UBE4B: variants seen among roughly 807,000 people sequenced by gnomAD.
UBE4B encodes ubiquitination factor E4B.
A neutral mutation model predicts 148.1 loss-of-function variants in UBE4B; 27 were observed. The observed-to-expected ratio is 0.18, with a 90% CI of 0.13 to 0.25. The LOEUF is 0.25. UBE4B is among the 10% of genes least tolerant of loss of function. The probability of loss-of-function intolerance (pLI) is 1.00; values close to 1 mark genes in which losing one functional copy is unlikely to be tolerated. For synonymous variants in UBE4B, 596 were observed against 619.3 expected, an observed-to-expected ratio of 0.96 and a Z score of 0.56; for missense variants, 1,170 against 1,662.4, an observed-to-expected ratio of 0.70 and a Z score of 5.15.
At position 10,145,023 on chromosome 1, in the gene UBE4B, G is replaced by T. The variant is rs766702266; in HGVS notation, c.2447G>T (p.Cys816Phe). The T allele has an allele frequency of 1.2e-6, 2 of 1,613,530 alleles. No homozygotes were observed. Among genetic ancestry groups the T allele is most frequent in the South Asian group, 2.2e-5 (2 of 91,012 alleles). Reference sequence around the variant, plus strand: ...AGACACCGCGAAATGCTGAAGCGCTGTAAAACTCAGCTTAAGGTTTGTATA... The same window carrying T: ...AGACACCGCGAAATGCTGAAGCGCTTTAAAACTCAGCTTAAGGTTTGTATA... Reference protein sequence around the residue: ...ATRHREMLKRCKTQLKKLVRC... With the variant: ...ATRHREMLKRFKTQLKKLVRC... The change falls in exon 18 of 28, where the codon TGT (cysteine) becomes TTT (phenylalanine). Residue 816 changes from cysteine (C) to phenylalanine (F), a missense_variant. Physicochemically the swap from Cys to Phe is radical, Grantham distance 205. Transcript: ENST00000343090.
chr1:10,144,021 T>G (rs1255541065), intron 17 of UBE4B, among the ~76,000 whole-genome samples: 1 of 152,208 alleles, frequency 6.6e-6, no homozygotes. Context: ...TTTTGGAGAT[T>G]TAGCAGCCTC....
chr1:10,035,614 G>A (rs1643488393), intron 1 of UBE4B, among the ~76,000 whole-genome samples: 2 of 149,014 alleles, frequency 1.3e-5, no homozygotes, highest in South Asian at 4.2e-4. Flanking sequence ...CACTGTGTTA[G>A]CCAGGATGGT....
chr1:10,109,577 A>C (rs1645183516), intron 7 of UBE4B, among the ~76,000 whole-genome samples: 1 of 152,196 alleles, frequency 6.6e-6, no homozygotes, highest in Admixed American at 6.5e-5. Context: ...ACATGACATA[A>C]CTATGTAAAC....
In UBE4B at chr1:10,048,259, A is replaced by C. The variant is rs552948939; in HGVS notation, c.24+14565A>C. Among the ~76,000 whole-genome samples, 147 of 152,332 alleles carry C rather than the reference A, an allele frequency of 9.6e-4. 1 individual carries two copies. The highest frequency in any genetic ancestry group is 3.4e-3 in the African/African-American group (143 of 41,568). ...ATTTACTGAGATGGGGAAAATTGAA[A>C]GAGAAGATTGGGAGGGAGACGTTAT... is the stretch of plus-strand genomic sequence containing the variant. On this transcript the variant is annotated intron_variant, in intron 1 of 27. Transcript: ENST00000343090.
chr1:10,180,109 A>G lies in UBE4B; in HGVS notation c.*153A>G. 1 of 826,796 alleles carries G rather than the reference A, an allele frequency of 1.2e-6. No homozygotes were observed. Among genetic ancestry groups the G allele is most frequent in the East Asian group, 2.5e-5 (1 of 39,368 alleles). 51.2% of individuals were successfully genotyped at this position (826,796 alleles called of 1,614,324 possible). A position where few individuals can be genotyped will look rare whatever the true frequency, so the allele number is the denominator to read the frequency against. ...CAGAGCGAGCAAACGCTGAGACCTG[A>G]AAGGACATGGATGAGAAGAGGAGCC... On this transcript the variant is annotated 3_prime_UTR_variant, in exon 28 of 28. Transcript: ENST00000343090.
At chr1:10,112,580 A>G (rs921318178) in intron 7 of UBE4B, among the ~76,000 whole-genome samples, 6 of 152,088 alleles carry the variant, frequency 3.9e-5, no homozygotes, top group Non-Finnish European at 7.4e-5. Context: ...TTGTATTTTT[A>G]GTAGAGACAG....
intron 7 of UBE4B, among the ~76,000 whole-genome samples, chr1:10,114,583 G>T (rs1199842397): frequency 6.6e-6 from 1 of 152,074 alleles, no homozygotes; most frequent in Non-Finnish European, 1.5e-5. Flanking sequence ...ACAATAATTG[G>T]CCAGGTGCTG....
At chr1:10,101,981 G>C (rs1039505437) in intron 4 of UBE4B, among the ~76,000 whole-genome samples, 5 of 150,662 alleles carry the variant, frequency 3.3e-5, no homozygotes, top group Admixed American at 2.0e-4. Context: ...TTTAGGGTGT[G>C]TGTGTGTGTG....
At chr1:10,113,699 G>A (rs930171287) in intron 7 of UBE4B, among the ~76,000 whole-genome samples, 1 of 152,126 alleles carries the variant, frequency 6.6e-6, no homozygotes, top group African/African-American at 2.4e-5. Flanking sequence ...TCACAGGCAC[G>A]CTCACATGCT....
chr1:10,145,122 T>C, intron 18 of UBE4B, 83 bp downstream of exon 18: 1 of 1,016,694 alleles, frequency 9.8e-7, no homozygotes, highest in Non-Finnish European at 1.5e-6. Flanking sequence ...GAGTGAGCAG[T>C]TTAGTGTCCT....
chr1:10,101,498 CTTTTTTTTTTTT>C (rs34066776), intron 4 of UBE4B, among the ~76,000 whole-genome samples: 4 of 56,178 alleles, frequency 7.1e-5, no homozygotes, highest in South Asian at 6.1e-4. Flanking sequence ...TGGTCTTTTG[CTTTTTTTTTTTT>C]TTTTTTTTTT....
intron 7 of UBE4B, among the ~76,000 whole-genome samples, chr1:10,117,038 A>G (rs776476619): frequency 6.6e-6 from 1 of 152,208 alleles, no homozygotes; most frequent in Non-Finnish European, 1.5e-5. Context: ...AGAAGTCACA[A>G]AGATGAGGGC....
In UBE4B at chr1:10,151,378, C is replaced by T. The variant is rs771630942; in HGVS notation, c.2743C>T (p.Leu915Phe). The stretch of plus-strand genomic sequence containing the variant: ...CTGTACTCAGGATATTGTGATGTTC[C>T]TTGTTGTGATGTTGTGCAACCAGAA... ...EPCTQDIVMFLVVMLCNQNYI... is the reference protein window; with the variant it reads ...EPCTQDIVMFFVVMLCNQNYI... Residue 915 changes from leucine to phenylalanine, a missense_variant, in exon 21 of 28, where the codon CTT (leucine) becomes TTT (phenylalanine). Physicochemically the swap from Leu to Phe is conservative, Grantham distance 22. Transcript: ENST00000343090. 1.2e-6 allele frequency: 2 copies of T among 1,614,082 alleles called. No homozygotes were observed. The highest frequency in any genetic ancestry group is 1.7e-5 in the Admixed American group (1 of 59,994).
intron 17 of UBE4B, among the ~76,000 whole-genome samples, chr1:10,138,645 TC>T (rs1159242629): frequency 6.6e-6 from 1 of 152,218 alleles, no homozygotes; most frequent in Non-Finnish European, 1.5e-5. Flanking sequence ...ACTTTTTTTT[TC>T]ATGCCTTAGT....
intron 7 of UBE4B, among the ~76,000 whole-genome samples, chr1:10,109,382 CTG>C (rs1207692805): frequency 6.6e-6 from 1 of 152,138 alleles, no homozygotes; most frequent in Non-Finnish European, 1.5e-5. Flanking sequence ...TGCCGAGAGT[CTG>C]TGCATCTACT....
intron 2 of UBE4B, chr1:10,073,193 A>G (rs1449245500): frequency 6.6e-6 from 1 of 152,054 alleles, no homozygotes; most frequent in Admixed American, 6.6e-5. Context: ...TCCAAATGTG[A>G]TTTTCCTTGG....
Position 10,161,841 on chromosome 1 carries a change from TC to T in UBE4B, c.3198+557del, listed in dbSNP as rs1284843848. 2.6e-5 allele frequency among the ~76,000 whole-genome samples: 4 copies of T among 152,180 alleles called. No homozygotes were observed. Among genetic ancestry groups the T allele is most frequent in the African/African-American group, 9.7e-5 (4 of 41,448 alleles). On this transcript the variant is annotated intron_variant, in intron 23 of 27. Coordinates refer to ENST00000343090, the MANE Select transcript of UBE4B (RefSeq NM_001105562.3). The surrounding 1 kb of genome is among the most constrained non-coding windows in gnomAD (Gnocchi z 4.1). ...CGTGCGTAGCAGCCACTGAGATACT[TC>T]CTTGGTCGCTTATGAGGCCCTTGAC...
intron 7 of UBE4B, among the ~76,000 whole-genome samples, chr1:10,115,861 T>C (rs1645299936): frequency 6.6e-6 from 1 of 152,198 alleles, no homozygotes; most frequent in Non-Finnish European, 1.5e-5. Context: ...TTATGCCAAT[T>C]ATGGTGAGTA....
At chr1:10,050,308 GTGATCCGCC>G (rs1644008760) in intron 1 of UBE4B, among the ~76,000 whole-genome samples, 1 of 152,192 alleles carries the variant, frequency 6.6e-6, no homozygotes. Flanking sequence ...CTGACCTCAG[GTGATCCGCC>G]TGCCTTGGCC....
Sources: gnomAD v4.1 joint callset for allele counts (sites outside exome capture counted in the v4.1 genomes callset) on GRCh38, gnomAD v4.1.1 for gene constraint, Gnocchi (gnomAD v3.1) non-coding constraint, MANE v1.5 for transcripts, NCBI Gene and HGNC (gene_info 2026-07-23, HGNC 2026-07-21) for gene names.